Variants in ERC2 observed in about 807,000 individuals in gnomAD.
The protein encoded by ERC2 is ELKS/RAB6-interacting/CAST family member 2, also known as ERC protein 2.
A neutral mutation model predicts 114.8 loss-of-function variants in ERC2; 42 were observed. That is an observed-to-expected ratio of 0.37 (90% CI 0.29 to 0.47). The LOEUF (loss-of-function observed/expected upper bound fraction) is 0.47. ERC2 is among the 20% of genes least tolerant of loss of function. The probability of loss-of-function intolerance (pLI) is 0.99; values close to 1 mark genes in which losing one functional copy is unlikely to be tolerated. For synonymous variants in ERC2, 454 were observed against 425.5 expected (o/e 1.07, Z -0.82); for missense variants, 939 against 1,150.7 (o/e 0.82, Z 2.66).
At chr3:56,271,043 C>G (rs529172539) in intron 3 of ERC2, among the ~76,000 whole-genome samples, 21 of 152,314 alleles carry the variant, frequency 1.4e-4, no homozygotes, top group African/African-American at 3.8e-4. Context: ...CACACATTTT[C>G]TTTACGTTGT....
intron 17 of ERC2, among the ~76,000 whole-genome samples, chr3:55,645,889 G>A (rs534749463): frequency 2.0e-5 from 3 of 152,250 alleles, no homozygotes; most frequent in East Asian, 1.9e-4. Context: ...TACCAGCTTG[G>A]CGCAAGGAGA....
intron 1 of ERC2, among the ~76,000 whole-genome samples, chr3:56,458,524 C>A (rs2063166266): frequency 6.6e-6 from 1 of 152,082 alleles, no homozygotes; most frequent in African/African-American, 2.4e-5. Flanking sequence ...GAAGAATTCC[C>A]CTTGCGTGCC....
At position 56,296,252 on chromosome 3, in the gene ERC2, T is replaced by G. The variant is rs747440877; in HGVS notation, c.841A>C (p.Arg281=). 4.0e-5 allele frequency: 64 copies of G among 1,614,032 alleles called. No homozygotes were observed. The highest frequency in any genetic ancestry group is 3.0e-4 in the South Asian group (27 of 91,090). ...AGCTCCATTTCCTCTAATGTCTTCCTCAAAAGGAACAGCTCCTTAGCCTGC... is the reference window on the plus strand; with the variant it reads ...AGCTCCATTTCCTCTAATGTCTTCCGCAAAAGGAACAGCTCCTTAGCCTGC... The part of the protein sequence containing the change: ...DRQAKELFLL[R]KTLEEMELRI... The change falls in exon 3 of 18, where the codon AGG becomes CGG. Residue 281 remains arginine, a synonymous_variant. Coordinates refer to ENST00000288221, the MANE Select transcript of ERC2 (RefSeq NM_015576.3).
intron 3 of ERC2, among the ~76,000 whole-genome samples, chr3:56,272,336 A>G (rs2053707531): frequency 6.6e-6 from 1 of 152,248 alleles, no homozygotes; most frequent in Non-Finnish European, 1.5e-5. Flanking sequence ...TGCTCTGCCT[A>G]TCTAGAAGAG....
intron 17 of ERC2, among the ~76,000 whole-genome samples, chr3:55,654,915 G>A (rs1365886070): frequency 6.6e-6 from 1 of 152,248 alleles, no homozygotes; most frequent in South Asian, 2.1e-4. Context: ...GGCCTGCTAG[G>A]CTCGACCATT....
chr3:55,737,076 C>A (rs1301503040), intron 14 of ERC2, among the ~76,000 whole-genome samples: 1 of 152,166 alleles, frequency 6.6e-6, no homozygotes, highest in East Asian at 1.9e-4. Context: ...TGGTCATGAT[C>A]CTGTTTTGCC....
At chr3:56,314,634 T>G (rs1233939948) in intron 2 of ERC2, among the ~76,000 whole-genome samples, 1 of 151,802 alleles carries the variant, frequency 6.6e-6, no homozygotes, top group Non-Finnish European at 1.5e-5. Context: ...GCACATAAAA[T>G]AGCACATAAA....
At chr3:55,827,540 T>C (rs1221637733) in intron 14 of ERC2, among the ~76,000 whole-genome samples, 3 of 152,324 alleles carry the variant, frequency 2.0e-5, no homozygotes, top group African/African-American at 7.2e-5. Context: ...TGATAATTCA[T>C]AAATGCCACT....
Position 56,018,976 on chromosome 3 carries a change from T to C in ERC2, c.1697A>G (p.Lys566Arg). The change falls in exon 8 of 18, where the codon AAA becomes AGA. Residue 566 changes from lysine to arginine, a missense_variant. By Grantham distance (26) the Lys-to-Arg change is conservative. Transcript: ENST00000288221. The stretch of plus-strand genomic sequence containing the variant: ...CGTCTGCAAGGACTTCACTCTGTCT[T>C]TCAGGTTGGTCAGTTGCTTGTCTTT... ...RDKDKQLTNL[K>R]DRVKSLQTDS... The C allele has an allele frequency of 6.2e-7, 1 of 1,613,208 alleles. No individual in the cohort carries two copies. Among genetic ancestry groups the C allele is most frequent in the Admixed American group, 1.7e-5 (1 of 59,916 alleles).
At chr3:56,443,239 G>A (rs1019186134) in intron 1 of ERC2, among the ~76,000 whole-genome samples, 1 of 152,240 alleles carries the variant, frequency 6.6e-6, no homozygotes, top group African/African-American at 2.4e-5. Context: ...ATGGGCAAGA[G>A]ATTATGTTCA....
At chr3:55,925,673 T>C (rs1391746304) in intron 13 of ERC2, among the ~76,000 whole-genome samples, 1 of 152,072 alleles carries the variant, frequency 6.6e-6, no homozygotes, top group East Asian at 1.9e-4. Flanking sequence ...ACAGGAAATC[T>C]GGAAAAAGTT....
At chr3:56,237,783 A>G (rs11709185) in intron 3 of ERC2, among the ~76,000 whole-genome samples, 1,606 of 152,256 alleles carry the variant, frequency 0.011, 6 homozygotes, top group Non-Finnish European at 0.017. Context: ...CACGACGTAC[A>G]TGTGAGTTTT....
At chr3:55,840,254 C>T in intron 14 of ERC2, among the ~76,000 whole-genome samples, 1 of 151,832 alleles carries the variant, frequency 6.6e-6, no homozygotes, top group Non-Finnish European at 1.5e-5. Flanking sequence ...CAAATATTGA[C>T]TATATAAAGA....
chr3:56,421,428 A>G (rs1007606993), intron 2 of ERC2, among the ~76,000 whole-genome samples: 4 of 152,096 alleles, frequency 2.6e-5, no homozygotes, highest in Non-Finnish European at 5.9e-5. Context: ...GGGGGCGTGG[A>G]TGTGTGACTC....
At chr3:56,301,038 C>T (rs534126872) in intron 2 of ERC2, among the ~76,000 whole-genome samples, 1 of 152,266 alleles carries the variant, frequency 6.6e-6, no homozygotes, top group Non-Finnish European at 1.5e-5. Context: ...CACTTGAGGC[C>T]AGGAGCTCAA....
chr3:55,659,872 G>C (rs999617100), intron 17 of ERC2, among the ~76,000 whole-genome samples: 2 of 151,088 alleles, frequency 1.3e-5, no homozygotes, highest in Non-Finnish European at 1.5e-5. Context: ...CAGCTCAAGG[G>C]TCACTACTTC....
chr3:55,940,405 G>T (rs145789297), intron 13 of ERC2, among the ~76,000 whole-genome samples: 4 of 151,970 alleles, frequency 2.6e-5, no homozygotes, highest in Non-Finnish European at 5.9e-5. Flanking sequence ...AGGGCCCCAC[G>T]GATGACCTGA....
At chr3:56,155,416 T>C (rs2081652214) in intron 4 of ERC2, among the ~76,000 whole-genome samples, 1 of 151,656 alleles carries the variant, frequency 6.6e-6, no homozygotes, top group Non-Finnish European at 1.5e-5. Flanking sequence ...CCTTCTTTGA[T>C]ATCATGTATT....
intron 3 of ERC2, 126 bp from the exon 4 acceptor site, chr3:56,173,646 G>C: frequency 3.9e-6 from 3 of 759,820 alleles, no homozygotes; most frequent in Non-Finnish European, 6.3e-6. Flanking sequence ...CAAGCCACAG[G>C]TGTCTCTTCC....
Sources: gnomAD v4.1 joint callset for allele counts (sites outside exome capture counted in the v4.1 genomes callset) on GRCh38, gnomAD v4.1.1 for gene constraint, MANE v1.5 for transcripts, NCBI Gene and HGNC (gene_info 2026-07-23, HGNC 2026-07-21) for gene names.